PARP4: variants seen among roughly 807,000 people sequenced by gnomAD.
The protein encoded by PARP4 is poly(ADP-ribose) polymerase family member 4.
A neutral mutation model predicts 187.7 loss-of-function variants in PARP4; 120 were observed. That is an observed-to-expected ratio of 0.64 (90% CI 0.55 to 0.74). The LOEUF (loss-of-function observed/expected upper bound fraction) is 0.74. Ranked by LOEUF, PARP4 falls within the 30% of genes least tolerant of loss-of-function variation. The pLI is 0.00. For synonymous variants in PARP4, 654 were observed against 740.9 expected (o/e 0.88, Z 1.90); for missense variants, 1,836 against 2,070.5 (o/e 0.89, Z 2.20).
chr13:24,474,793 C>T (rs1872900064), intron 15 of PARP4, among the ~76,000 whole-genome samples: 1 of 152,118 alleles, frequency 6.6e-6, no homozygotes, highest in Non-Finnish European at 1.5e-5. Flanking sequence ...CTGTTCATGT[C>T]ATTCCTCTGC....
At chr13:24,474,678 C>A (rs1345257730) in intron 15 of PARP4, among the ~76,000 whole-genome samples, 2 of 152,120 alleles carry the variant, frequency 1.3e-5, no homozygotes, top group African/African-American at 4.8e-5. Context: ...AAAACAAATT[C>A]CATCCAGAGT....
chr13:24,449,636 C>T (rs1871402399), intron 25 of PARP4, 82 bp downstream of exon 25: 1 of 810,716 alleles, frequency 1.2e-6, no homozygotes, highest in South Asian at 1.6e-5. Flanking sequence ...TTCAAGGAAA[C>T]ACAGATATTC....
At chr13:24,457,532 G>A (rs781726685) in intron 20 of PARP4, among the ~76,000 whole-genome samples, 1 of 152,182 alleles carries the variant, frequency 6.6e-6, no homozygotes, top group African/African-American at 2.4e-5. Flanking sequence ...AACACTTTGG[G>A]AGGCCAAGGC....
intron 22 of PARP4, among the ~76,000 whole-genome samples, chr13:24,454,347 G>C (rs73172136): frequency 0.079 from 12,033 of 152,250 alleles, 653 homozygotes; most frequent in Non-Finnish European, 0.12. Context: ...CTGTACCTCT[G>C]GGGAAAAGGG....
chr13:24,461,157 T>C (rs1274393331), intron 17 of PARP4, among the ~76,000 whole-genome samples: 3 of 152,166 alleles, frequency 2.0e-5, no homozygotes, highest in Non-Finnish European at 2.9e-5. Flanking sequence ...GACCACCCCA[T>C]CATGAAAATT....
rs766074585 is a variant in PARP4 at position 24,475,480 on chromosome 13, C to G, written c.1906G>C (p.Val636Leu). ...VHIKGRIIDT[V>L]AQVIVFQTYT... ...AGCCACAGACAACATACCTGGGCTA[C>G]AGTGTCTATGATTCTCCCTTTGATG... Residue 636 changes from valine (V) to leucine (L), a missense_variant, in exon 15 of 34, where the codon GTA becomes CTA. This residue lies in a region of PARP4 where 1,147 missense variants were observed against 1,214.2 expected (regional missense o/e 0.94). Transcript: ENST00000381989. 6.8e-6 allele frequency: 11 copies of G among 1,613,876 alleles called. No homozygotes were observed. Among genetic ancestry groups the G allele is most frequent in the South Asian group, 3.3e-5 (3 of 91,074 alleles).
At chr13:24,458,321 G>A (rs941816722) in intron 20 of PARP4, among the ~76,000 whole-genome samples, 5 of 152,024 alleles carry the variant, frequency 3.3e-5, no homozygotes, top group African/African-American at 9.7e-5. Flanking sequence ...ATGTTAGCCA[G>A]GATGGTCTCG....
chr13:24,432,780 C>G (rs1007167253), intron 31 of PARP4, among the ~76,000 whole-genome samples: 5 of 151,710 alleles, frequency 3.3e-5, no homozygotes, highest in Non-Finnish European at 7.3e-5. Context: ...CCTGCATCCC[C>G]CATCATCTGC....
chr13:24,507,321 C>T (rs900644024), intron 1 of PARP4, among the ~76,000 whole-genome samples: 4 of 152,238 alleles, frequency 2.6e-5, no homozygotes, highest in Admixed American at 1.3e-4. Context: ...GCTGCCAGCA[C>T]GCTGTCACCT....
At chr13:24,500,250 G>T in intron 4 of PARP4, 66 bp downstream of exon 4, 2 of 838,284 alleles carry the variant, frequency 2.4e-6, no homozygotes, top group South Asian at 1.7e-5. Flanking sequence ...TTAATACTGT[G>T]CTTGAGGTTT....
chr13:24,442,520 G>T, intron 29 of PARP4, 70 bp downstream of exon 29: 1 of 1,102,298 alleles, frequency 9.1e-7, no homozygotes, highest in Non-Finnish European at 1.4e-6. Context: ...AACCATCAAA[G>T]CAAGGGTGAC....
chr13:24,502,805 G>C (rs191809166), intron 2 of PARP4, among the ~76,000 whole-genome samples: 4 of 152,248 alleles, frequency 2.6e-5, no homozygotes, highest in African/African-American at 2.4e-5. Flanking sequence ...CTGTATAAGG[G>C]AAGTATATAC....
chr13:24,503,421 T>C (rs554044401), intron 2 of PARP4, among the ~76,000 whole-genome samples: 1 of 152,324 alleles, frequency 6.6e-6, no homozygotes, highest in East Asian at 1.9e-4. Flanking sequence ...ACAGGACATG[T>C]AGGATTGTCC....
intron 21 of PARP4, among the ~76,000 whole-genome samples, chr13:24,455,480 AATATATATAT>A (rs57015283): frequency 9.2e-5 from 10 of 108,426 alleles, no homozygotes; most frequent in Admixed American, 4.1e-4. Context: ...TTATGGAACA[AATATATATAT>A]ATATATATAT....
chr13:24,455,051 C>T lies in PARP4; in HGVS notation c.2724G>A (p.Glu908=), dbSNP rs763781692. The T allele has an allele frequency of 9.9e-6, 16 of 1,610,278 alleles. No homozygotes were observed. In the East Asian group the frequency reaches 3.6e-4, roughly 36 times the overall value. ...ACTGGATAATATTTACTTTCTGCTT[C>T]TCACCCACCAAGGACAGCGCATGCA... ...IALHALSLVG[E]KQKVNIIQFG... The change falls in exon 22 of 34, where the codon GAG becomes GAA. Residue 908 remains glutamate (E), a synonymous_variant. Coordinates refer to ENST00000381989, the MANE Select transcript of PARP4 (RefSeq NM_006437.4).
At chr13:24,488,090 G>C (rs1021797220) in intron 10 of PARP4, among the ~76,000 whole-genome samples, 1 of 152,146 alleles carries the variant, frequency 6.6e-6, no homozygotes, top group African/African-American at 2.4e-5. Context: ...GCCCACTTTA[G>C]CTGTGTGACT....
At chr13:24,499,441 A>G in intron 4 of PARP4, 65 bp from the exon 5 acceptor site, 1 of 1,384,056 alleles carries the variant, frequency 7.2e-7, no homozygotes, top group Non-Finnish European at 9.8e-7. Flanking sequence ...ACAGAATTTC[A>G]TAAATTTTTT....
intron 17 of PARP4, among the ~76,000 whole-genome samples, chr13:24,466,876 A>G (rs997367023): frequency 2.6e-5 from 4 of 152,146 alleles, no homozygotes; most frequent in Admixed American, 6.5e-5. Context: ...ATACAAGAGA[A>G]AGCAGGAAAA....
chr13:24,423,518 G>A (rs1028166943), intron 33 of PARP4, among the ~76,000 whole-genome samples: 2 of 141,582 alleles, frequency 1.4e-5, no homozygotes, highest in South Asian at 2.2e-4. Flanking sequence ...GTGACAGAAC[G>A]AGATCTGGCC....
Sources: gnomAD v4.1 joint callset for allele counts (sites outside exome capture counted in the v4.1 genomes callset) on GRCh38, gnomAD v4.1.1 for gene constraint, gnomAD v4.1.1 regional missense constraint, MANE v1.5 for transcripts, NCBI Gene and HGNC (gene_info 2026-07-23, HGNC 2026-07-21) for gene names.